KCNB2: variants seen among roughly 807,000 people sequenced by gnomAD.
The protein encoded by KCNB2 is potassium voltage-gated channel subfamily B member 2.
A neutral mutation model predicts 61.5 loss-of-function variants in KCNB2; 15 were observed. That is an observed-to-expected ratio of 0.24 (90% confidence interval 0.16 to 0.38). The LOEUF is 0.38. Ranked by LOEUF, KCNB2 falls within the 10% of genes least tolerant of loss-of-function variation. The pLI, the probability that KCNB2 is intolerant of heterozygous loss-of-function variation, is 1.00. For missense variants in KCNB2, 828 were observed against 1,125.2 expected (o/e 0.74, Z 3.78); for synonymous variants, 457 against 446.0 (o/e 1.02, Z -0.31).
intron 2 of KCNB2, among the ~76,000 whole-genome samples, chr8:72,704,765 C>A (rs1232636695): frequency 1.3e-5 from 2 of 152,060 alleles, no homozygotes; most frequent in African/African-American, 4.8e-5. Context: ...GTACTTGATT[C>A]CAACCCTCCC....
intron 2 of KCNB2, among the ~76,000 whole-genome samples, chr8:72,644,245 T>G (rs565726305): frequency 6.6e-6 from 1 of 152,088 alleles, no homozygotes; most frequent in African/African-American, 2.4e-5. Context: ...TTTAAAAAGT[T>G]CACCCCCCCC....
Position 72,938,138 on chromosome 8 carries a change from CTTGTTTCTT to C in KCNB2, c.*48_*56del. The C allele has an allele frequency of 6.8e-7, 1 of 1,461,778 alleles. No homozygotes were observed. The highest frequency in any genetic ancestry group is 9.3e-7 in the Non-Finnish European group (1 of 1,077,610). The allele number at this position is 1,461,778 out of a possible 1,614,324, so 90.6% of individuals were successfully genotyped here. On this transcript the variant is annotated 3_prime_UTR_variant, in exon 3 of 3. Coordinates refer to ENST00000523207, the MANE Select transcript of KCNB2 (RefSeq NM_004770.3). ...TGAAACAAAACAAAACAAAACAAAA[CTTGTTTCTT>C]AAAAATGCGGTTAATAATGCCTGTG...
intron 1 of KCNB2, among the ~76,000 whole-genome samples, chr8:72,559,653 A>G (rs1806482253): frequency 6.6e-6 from 1 of 152,226 alleles, no homozygotes; most frequent in African/African-American, 2.4e-5. Flanking sequence ...TTGCAAGAAC[A>G]CAATTAATTT....
chr8:72,882,366 T>C (rs1159536026), intron 2 of KCNB2, among the ~76,000 whole-genome samples: 1 of 152,152 alleles, frequency 6.6e-6, no homozygotes, highest in African/African-American at 2.4e-5. Context: ...GGGAGGAGAC[T>C]GTGAAGAAAA....
At position 72,552,837 on chromosome 8, in the gene KCNB2, A is replaced by T. The variant is rs541370415; in HGVS notation, c.-93-14805A>T. ...CACTTTCTCTGTAAGTATCTATGTCATATGACTGTCTCACATCCACTTTTC... is the reference window on the plus strand; with the variant it reads ...CACTTTCTCTGTAAGTATCTATGTCTTATGACTGTCTCACATCCACTTTTC... On this transcript the variant is annotated intron_variant, in intron 1 of 2. Coordinates refer to ENST00000523207, the MANE Select transcript of KCNB2 (RefSeq NM_004770.3). Among the ~76,000 whole-genome samples, 7 of 152,122 alleles carry T rather than the reference A, an allele frequency of 4.6e-5. No homozygotes were observed. In the South Asian group the frequency reaches 1.0e-3, roughly 23 times the overall value.
chr8:72,694,132 G>C (rs1463477384), intron 2 of KCNB2, among the ~76,000 whole-genome samples: 1 of 152,128 alleles, frequency 6.6e-6, no homozygotes, highest in Non-Finnish European at 1.5e-5. Flanking sequence ...ACTATTAAAG[G>C]ATATGGAAGT....
At chr8:72,789,748 G>A (rs1384449493) in intron 2 of KCNB2, among the ~76,000 whole-genome samples, 3 of 152,086 alleles carry the variant, frequency 2.0e-5, no homozygotes, top group East Asian at 1.9e-4. Context: ...GTGCCCTAAC[G>A]GGGTATTCTG....
chr8:72,865,069 C>A (rs1271387109), intron 2 of KCNB2, among the ~76,000 whole-genome samples: 1 of 152,162 alleles, frequency 6.6e-6, no homozygotes, highest in Non-Finnish European at 1.5e-5. Context: ...GGCCTTTGGT[C>A]TCTTCCCAGA....
intron 2 of KCNB2, among the ~76,000 whole-genome samples, chr8:72,576,798 G>T (rs1044399708): frequency 6.6e-6 from 1 of 152,206 alleles, no homozygotes; most frequent in South Asian, 2.1e-4. Flanking sequence ...GACTTGAAGA[G>T]ACTGAGACTT....
intron 2 of KCNB2, among the ~76,000 whole-genome samples, chr8:72,901,708 G>A (rs147056839): frequency 6.6e-6 from 1 of 152,242 alleles, no homozygotes; most frequent in East Asian, 1.9e-4. Flanking sequence ...TTTTATCTCT[G>A]GGTTAGATTC....
chr8:72,671,752 G>GTT lies in KCNB2; in HGVS notation c.579+103440_579+103441dup, dbSNP rs1806568814. Among the ~76,000 whole-genome samples, 18 of 152,160 alleles carry GTT rather than the reference G, an allele frequency of 1.2e-4. No individual in the cohort carries two copies. In the South Asian group the frequency reaches 3.7e-3, roughly 31 times the overall value. On this transcript the variant is annotated intron_variant, in intron 2 of 2. Transcript: ENST00000523207. ...TGCCTTGGTCAATATAATCTTAGCA[G>GTT]TTGTGCTACAGGCAGAGGCTTGAAA...
At chr8:72,697,961 G>T (rs1807044652) in intron 2 of KCNB2, among the ~76,000 whole-genome samples, 1 of 152,198 alleles carries the variant, frequency 6.6e-6, no homozygotes, top group East Asian at 1.9e-4. Flanking sequence ...TGAGCCACAA[G>T]CCCTCCAGGT....
intron 2 of KCNB2, among the ~76,000 whole-genome samples, chr8:72,745,608 C>T (rs1808048556): frequency 6.6e-6 from 1 of 152,146 alleles, no homozygotes; most frequent in Non-Finnish European, 1.5e-5. Context: ...TGATATGTGA[C>T]AGTATGCAGC....
intron 2 of KCNB2, among the ~76,000 whole-genome samples, chr8:72,868,669 C>G (rs1169187890): frequency 2.0e-5 from 3 of 152,106 alleles, no homozygotes; most frequent in Admixed American, 1.3e-4. Flanking sequence ...GTTTAATTGT[C>G]TACTTTAAGT....
chr8:72,874,975 C>T (rs1805679855), intron 2 of KCNB2: 2 of 152,324 alleles, frequency 1.3e-5, no homozygotes. Context: ...TTTCCACTAA[C>T]ACCCTCTGAT....
chr8:72,891,301 G>A (rs1298644774), intron 2 of KCNB2, among the ~76,000 whole-genome samples: 1 of 152,202 alleles, frequency 6.6e-6, no homozygotes, highest in African/African-American at 2.4e-5. Flanking sequence ...ATTAGAGCTG[G>A]AGATGGTAAC....
chr8:72,714,267 C>A (rs1420543032), intron 2 of KCNB2, among the ~76,000 whole-genome samples: 1 of 152,184 alleles, frequency 6.6e-6, no homozygotes, highest in Non-Finnish European at 1.5e-5. Context: ...CTTCCCCAAT[C>A]TAGCAAGGCA....
chr8:72,735,929 C>T (rs928213047), intron 2 of KCNB2, among the ~76,000 whole-genome samples: 3 of 152,142 alleles, frequency 2.0e-5, no homozygotes, highest in African/African-American at 7.2e-5. Context: ...AATCAAACTA[C>T]AAGTTGATAG....
chr8:72,764,980 G>C (rs1175149397), intron 2 of KCNB2, among the ~76,000 whole-genome samples: 1 of 152,162 alleles, frequency 6.6e-6, no homozygotes, highest in Non-Finnish European at 1.5e-5. Context: ...ATTCTTTTAA[G>C]TTGATGAAGT....
Sources: allele counts gnomAD v4.1 joint callset (sites outside exome capture counted in the v4.1 genomes callset), GRCh38; gene constraint gnomAD v4.1.1; transcripts MANE v1.5; gene names NCBI Gene and HGNC (gene_info 2026-07-23, HGNC 2026-07-21).